The following ANKHD1 variants were observed in gnomAD, a reference collection of about 807,000 sequenced individuals.
The protein encoded by ANKHD1 is ankyrin repeat and KH domain-containing protein 1.
Under a neutral mutation model 230.5 loss-of-function variants are expected in ANKHD1, and 31 were observed. The ratio of observed to expected loss-of-function variants is 0.13; its 90% confidence interval spans 0.10 to 0.18. The LOEUF (loss-of-function observed/expected upper bound fraction) is 0.18, where lower values mean the gene tolerates loss of function less well. Among genes scored for constraint, ANKHD1 ranks in the 10% least tolerant of loss-of-function variants. ANKHD1 has a pLI of 1.00. For missense variants in ANKHD1, 2,256 were observed against 3,071.3 expected, an observed-to-expected ratio of 0.73 and a Z score of 6.27; for synonymous variants, 1,074 against 1,117.6, an observed-to-expected ratio of 0.96 and a Z score of 0.78.
intron 7 of ANKHD1, among the ~76,000 whole-genome samples, chr5:140,454,316 A>T (rs1306631142): frequency 6.6e-6 from 1 of 152,182 alleles, no homozygotes; most frequent in Non-Finnish European, 1.5e-5. Flanking sequence ...ACAGAAAGTT[A>T]ACAAGGGATA....
intron 30 of ANKHD1, 168 bp downstream of exon 30, chr5:140,535,706 A>C (rs1754035943): frequency 2.9e-6 from 3 of 1,035,498 alleles, no homozygotes; most frequent in Non-Finnish European, 3.8e-6. Flanking sequence ...TAGCATAGAA[A>C]ACTTGAGAAT....
In ANKHD1 at chr5:140,452,014, C is replaced by T. The variant is rs114490495; in HGVS notation, c.1242+2709C>T. 2.2e-3 allele frequency among the ~76,000 whole-genome samples: 341 copies of T among 152,264 alleles called. 3 individuals carry two copies. Among genetic ancestry groups the T allele is most frequent in the Non-Finnish European group, 4.0e-3 (274 of 68,022 alleles). ...AGTCTACAGCTCCCAGCATGAGCGA[C>T]GCATGAGACGGGTGATTTCTGCATT... On this transcript the variant is annotated intron_variant, in intron 7 of 33. Transcript: ENST00000360839.
intron 10 of ANKHD1, among the ~76,000 whole-genome samples, chr5:140,482,129 TC>T (rs769540103): frequency 6.6e-6 from 1 of 152,114 alleles, no homozygotes; most frequent in Non-Finnish European, 1.5e-5. Context: ...TTTCCGTTAC[TC>T]CTAAAATACC....
chr5:140,521,934 G>A (rs539603336), intron 24 of ANKHD1, among the ~76,000 whole-genome samples: 3 of 152,278 alleles, frequency 2.0e-5, no homozygotes, highest in South Asian at 4.1e-4. Context: ...AGCCAACATC[G>A]TGCCACTGCA....
chr5:140,481,659 CAT>C (rs1449218913), intron 10 of ANKHD1, among the ~76,000 whole-genome samples: 1 of 151,862 alleles, frequency 6.6e-6, no homozygotes. Flanking sequence ...TTAAATTGAT[CAT>C]GTGGTAATTA....
Position 140,536,781 on chromosome 5 carries a change from T to A in ANKHD1, c.7028-608T>A, listed in dbSNP as rs574586842. The stretch of plus-strand genomic sequence containing the variant: ...GCTCACGTCTGTAATCCCAGCACTT[T>A]GGGAGGCTGAGACGGGCAGATCACC... On this transcript the variant is annotated intron_variant, in intron 30 of 33. Transcript: ENST00000360839. Among the ~76,000 whole-genome samples, 17 of 152,296 alleles carry A rather than the reference T, an allele frequency of 1.1e-4. No homozygotes were observed. In the South Asian group the frequency reaches 3.3e-3, roughly 30 times the overall value.
Position 140,529,178 on chromosome 5 carries a change from C to A in ANKHD1, c.6232C>A (p.Gln2078Lys). 1.9e-6 allele frequency: 3 copies of A among 1,614,198 alleles called. No individual in the cohort carries two copies. Among genetic ancestry groups the A allele is most frequent in the Non-Finnish European group, 2.5e-6 (3 of 1,180,022 alleles). Residue 2078 changes from glutamine (Q) to lysine (K), a missense_variant, in exon 29 of 34, where the codon CAA becomes AAA. By Grantham distance (53) the Gln-to-Lys change is moderately conservative (BLOSUM62 1). Around this residue, in one of 13 missense-constraint regions of ANKHD1, gnomAD observed 778 missense variants for 966.5 expected, o/e 0.80. Transcript: ENST00000360839. The part of the protein sequence containing the change: ...SSPTPTSSNT[Q>K]EEAQPSSVSD... ...TCCCACTCCTACTTCCAGTAACACA[C>A]AAGAGGAGGCACAGCCATCCAGTGT... is the stretch of plus-strand genomic sequence containing the variant.
chr5:140,414,585 A>G (rs1771202024), intron 1 of ANKHD1, among the ~76,000 whole-genome samples: 1 of 152,160 alleles, frequency 6.6e-6, no homozygotes, highest in African/African-American at 2.4e-5. Context: ...TAATCCCAGC[A>G]CTTTGGGAGG....
chr5:140,528,452 C>A lies in ANKHD1; in HGVS notation c.5506C>A (p.Pro1836Thr). 1 of 1,614,156 alleles carries A rather than the reference C, an allele frequency of 6.2e-7. No homozygotes were observed. The highest frequency in any genetic ancestry group is 8.5e-7 in the Non-Finnish European group (1 of 1,180,038). ...CGCTAATAAACTTAATAAGAATGTTCCAACAAATGTACGTTCTTCTTTCCC... is the reference window on the plus strand; with the variant it reads ...CGCTAATAAACTTAATAAGAATGTTACAACAAATGTACGTTCTTCTTTCCC... Reference protein sequence around the residue: ...QPANKLNKNVPTNVRSSFPVS... With the variant: ...QPANKLNKNVTTNVRSSFPVS... Residue 1836 changes from proline to threonine, a missense_variant, in exon 29 of 34, where the codon CCA becomes ACA. Pro to Thr is a conservative substitution (Grantham distance 38). Transcript: ENST00000360839.
At chr5:140,512,987 A>T (rs1447016459) in intron 23 of ANKHD1, 64 bp downstream of exon 23, 1 of 1,434,366 alleles carries the variant, frequency 7.0e-7, no homozygotes, top group South Asian at 1.3e-5. Context: ...CAAAGTGTGC[A>T]GTTAGGAACT....
rs70988766 is a variant in ANKHD1 at position 140,495,249 on chromosome 5, C to CT, written c.2246-1253dup. Among the ~76,000 whole-genome samples, 991 of 123,702 alleles carry CT rather than the reference C, an allele frequency of 8.0e-3. 5 individuals carry two copies. Among genetic ancestry groups the CT allele is most frequent in the African/African-American group, 0.023 (726 of 31,404 alleles). 81.2% of individuals were successfully genotyped at this position (123,702 alleles called of 152,430 possible). ...TCCTTTTTGTTGCTGAATAGTCCTA[C>CT]TTTTTTTTTTTTTTTTTTGAGATGG... On this transcript the variant is annotated intron_variant, in intron 14 of 33. Transcript: ENST00000360839.
At chr5:140,449,145 A>G (rs1350557202) in intron 6 of ANKHD1, 66 bp from the exon 7 acceptor site, 4 of 1,475,542 alleles carry the variant, frequency 2.7e-6, no homozygotes, top group African/African-American at 1.4e-5. Flanking sequence ...AAAAGATTCC[A>G]TACCTCAATA....
chr5:140,437,274 A>G (rs374514900), intron 2 of ANKHD1, among the ~76,000 whole-genome samples: 175 of 152,308 alleles, frequency 1.1e-3, no homozygotes, highest in African/African-American at 3.0e-3. Flanking sequence ...GCTTATATCC[A>G]GTTTTTCAGT....
At chr5:140,448,471 A>G (rs777134042) in intron 6 of ANKHD1, among the ~76,000 whole-genome samples, 2 of 152,174 alleles carry the variant, frequency 1.3e-5, no homozygotes, top group South Asian at 2.1e-4. Context: ...ATTGCCTTCT[A>G]GAAAGGTTCA....
At position 140,401,837 on chromosome 5, in the gene ANKHD1, A is replaced by G; in HGVS notation, c.-131A>G. The G allele has an allele frequency of 2.9e-6, 4 of 1,385,408 alleles. No homozygotes were observed. The highest frequency in any genetic ancestry group is 3.7e-6 in the Non-Finnish European group (4 of 1,072,290). 85.8% of individuals were successfully genotyped at this position (1,385,408 alleles called of 1,614,324 possible). ...GCGGGAGGCAGCAGGTTAGGCAGTG[A>G]GAAGTTAGTGGCGCTGCTGGGACGG... On this transcript the variant is annotated 5_prime_UTR_variant, in exon 1 of 34. Transcript: ENST00000360839.
At chr5:140,453,089 G>A (rs991033373) in intron 7 of ANKHD1, among the ~76,000 whole-genome samples, 7 of 152,192 alleles carry the variant, frequency 4.6e-5, no homozygotes, top group Admixed American at 1.3e-4. Context: ...CTCAGTAGCC[G>A]ATTCGATCAA....
At chr5:140,472,742 A>G (rs975824342) in intron 10 of ANKHD1, among the ~76,000 whole-genome samples, 11 of 152,148 alleles carry the variant, frequency 7.2e-5, no homozygotes, top group African/African-American at 2.4e-4. Context: ...AACGTTTACT[A>G]TATAGTTTAT....
intron 1 of ANKHD1, among the ~76,000 whole-genome samples, chr5:140,426,383 C>A (rs1203875589): frequency 6.6e-6 from 1 of 152,188 alleles, no homozygotes; most frequent in Non-Finnish European, 1.5e-5. Context: ...CCTGCCTCAG[C>A]CTTCCAAAGT....
intron 15 of ANKHD1, among the ~76,000 whole-genome samples, chr5:140,499,629 C>T (rs1272611263): frequency 1.3e-5 from 2 of 151,920 alleles, no homozygotes; most frequent in African/African-American, 4.8e-5. Context: ...ATTAACTTAG[C>T]CCTTTAGTGT....
Sources: allele counts gnomAD v4.1 joint callset (sites outside exome capture counted in the v4.1 genomes callset), GRCh38; gene constraint gnomAD v4.1.1; regional missense constraint gnomAD v4.1.1; transcripts MANE v1.5; gene names NCBI Gene and HGNC (gene_info 2026-07-23, HGNC 2026-07-21).